Variants in NXPH1 observed in about 807,000 individuals in gnomAD.
The protein encoded by NXPH1 is neurexophilin-1.
Under a neutral mutation model 23.7 loss-of-function variants are expected in NXPH1, and 5 were observed. That is an observed-to-expected ratio of 0.21 (90% CI 0.11 to 0.44). The LOEUF is 0.44. Ranked by LOEUF, NXPH1 falls within the 20% of genes least tolerant of loss-of-function variation. NXPH1 has a pLI of 0.99. For synonymous variants in NXPH1, 144 were observed against 122.2 expected (o/e 1.18, Z -1.18); for missense variants, 324 against 321.6 (o/e 1.01, Z -0.06).
chr7:8,597,032 G>C (rs1422552496), intron 2 of NXPH1, among the ~76,000 whole-genome samples: 1 of 152,044 alleles, frequency 6.6e-6, no homozygotes, highest in Non-Finnish European at 1.5e-5. Context: ...AAGCACTGAG[G>C]ATAAAGAGAG....
At chr7:8,470,656 A>G (rs1483235272) in intron 2 of NXPH1, among the ~76,000 whole-genome samples, 2 of 152,138 alleles carry the variant, frequency 1.3e-5, no homozygotes, top group Non-Finnish European at 2.9e-5. Context: ...TGAAATAAAC[A>G]CCCACCTTTA....
At chr7:8,454,289 C>G (rs1022082039) in intron 2 of NXPH1, among the ~76,000 whole-genome samples, 2 of 152,132 alleles carry the variant, frequency 1.3e-5, no homozygotes. Flanking sequence ...AGTTAGTGGA[C>G]TGCCTTTGGA....
At chr7:8,451,738 A>T (rs1816509898) in intron 2 of NXPH1, among the ~76,000 whole-genome samples, 1 of 152,238 alleles carries the variant, frequency 6.6e-6, no homozygotes, top group Non-Finnish European at 1.5e-5. Flanking sequence ...ATTCAGAAGT[A>T]TCCTGGTTTG....
chr7:8,615,261 C>A (rs1410173641), intron 2 of NXPH1, among the ~76,000 whole-genome samples: 1 of 152,038 alleles, frequency 6.6e-6, no homozygotes, highest in Non-Finnish European at 1.5e-5. Context: ...ACTGTCCCTG[C>A]AGGAGGCAGT....
chr7:8,608,981 T>A (rs543569563), intron 2 of NXPH1, among the ~76,000 whole-genome samples: 1 of 152,232 alleles, frequency 6.6e-6, no homozygotes, highest in South Asian at 2.1e-4. Flanking sequence ...GAAACTTGAC[T>A]TTAAGGGAAA....
chr7:8,661,020 A>T (rs4725114), intron 2 of NXPH1, among the ~76,000 whole-genome samples: 106,646 of 151,150 alleles, frequency 0.71, 38,205 homozygotes, highest in East Asian at 1. Context: ...TTTCCTCAGG[A>T]AATCTCTTTT....
At chr7:8,706,033 T>C (rs1261143290) in intron 2 of NXPH1, among the ~76,000 whole-genome samples, 1 of 152,156 alleles carries the variant, frequency 6.6e-6, no homozygotes, top group African/African-American at 2.4e-5. Flanking sequence ...GTAGACATAA[T>C]AATATTTGAT....
At chr7:8,542,167 A>G (rs1818128230) in intron 2 of NXPH1, among the ~76,000 whole-genome samples, 1 of 151,574 alleles carries the variant, frequency 6.6e-6, no homozygotes, top group African/African-American at 2.4e-5. Context: ...TAACATTAAC[A>G]AAACAAAGCT....
chr7:8,750,731 C>T (rs140319293), intron 2 of NXPH1, among the ~76,000 whole-genome samples: 105 of 152,234 alleles, frequency 6.9e-4, no homozygotes, highest in Middle Eastern at 3.4e-3. Context: ...CCACATCTCC[C>T]TTCTTCCATT....
chr7:8,576,780 A>G (rs1045767326), intron 2 of NXPH1, among the ~76,000 whole-genome samples: 1 of 152,126 alleles, frequency 6.6e-6, no homozygotes, highest in Non-Finnish European at 1.5e-5. Flanking sequence ...TGTACTGATG[A>G]TGGTTGTTCT....
intron 2 of NXPH1, among the ~76,000 whole-genome samples, chr7:8,444,802 C>G (rs757008187): frequency 1.3e-5 from 2 of 152,188 alleles, no homozygotes; most frequent in Admixed American, 6.5e-5. Context: ...TCCTTCATTG[C>G]AGTAAAATGA....
rs1262843728 is a variant in NXPH1 at position 8,440,478 on chromosome 7, A to AATTGTTG, written c.54+4713_54+4719dup. ...CGAAGTTGATTTCTATTTGGCTTTG[A>AATTGTTG]ATTGTTGACGGCTATTTCTTCCTTA... On this transcript the variant is annotated intron_variant, in intron 2 of 2. Coordinates refer to ENST00000405863, the MANE Select transcript of NXPH1 (RefSeq NM_152745.3). Among the ~76,000 whole-genome samples the AATTGTTG allele has an allele frequency of 4.6e-5, 7 of 152,248 alleles. No individual in the cohort carries two copies. The East Asian group carries it at 1.4e-3, about 29-fold the overall frequency.
At chr7:8,542,752 C>T (rs760780484) in intron 2 of NXPH1, among the ~76,000 whole-genome samples, 1 of 151,484 alleles carries the variant, frequency 6.6e-6, no homozygotes. Context: ...CCTATCAACT[C>T]TCACCTCAGG....
At chr7:8,650,996 A>T (rs1224290523) in intron 2 of NXPH1, among the ~76,000 whole-genome samples, 2 of 151,544 alleles carry the variant, frequency 1.3e-5, no homozygotes, top group Non-Finnish European at 2.9e-5. Context: ...TTATACTTTA[A>T]GTTTTAGGGT....
At chr7:8,564,718 A>T (rs968816570) in intron 2 of NXPH1, among the ~76,000 whole-genome samples, 2 of 151,962 alleles carry the variant, frequency 1.3e-5, no homozygotes, top group East Asian at 3.9e-4. Context: ...CCAGAACTCA[A>T]TCCAGGTGAA....
Position 8,567,923 on chromosome 7 carries a change from C to T in NXPH1, c.54+132156C>T, listed in dbSNP as rs191181611. Reference sequence around the variant, plus strand: ...GTCTGAGCTAGGAGTGGCCTTACATCGTCTACTCCAAATCAAGTCCAACCC... The same window carrying T: ...GTCTGAGCTAGGAGTGGCCTTACATTGTCTACTCCAAATCAAGTCCAACCC... On this transcript the variant is annotated intron_variant, in intron 2 of 2. Coordinates refer to ENST00000405863, the MANE Select transcript of NXPH1 (RefSeq NM_152745.3). Among the ~76,000 whole-genome samples, 48 of 151,964 alleles carry T rather than the reference C, an allele frequency of 3.2e-4. 1 individual carries two copies. Among genetic ancestry groups the T allele is most frequent in the African/African-American group, 1.1e-3 (44 of 41,500 alleles).
At chr7:8,568,288 C>T (rs1246475868) in intron 2 of NXPH1, among the ~76,000 whole-genome samples, 2 of 151,790 alleles carry the variant, frequency 1.3e-5, no homozygotes, top group African/African-American at 2.4e-5. Flanking sequence ...CCAATTTCCT[C>T]GAATAAATAG....
intron 2 of NXPH1, among the ~76,000 whole-genome samples, chr7:8,516,330 C>G (rs1584205222): frequency 6.6e-6 from 1 of 152,060 alleles, no homozygotes. Context: ...GCTGGGTGCT[C>G]TCGTACCTTA....
At chr7:8,689,126 G>C (rs1263532172) in intron 2 of NXPH1, among the ~76,000 whole-genome samples, 1 of 152,136 alleles carries the variant, frequency 6.6e-6, no homozygotes, top group Non-Finnish European at 1.5e-5. Flanking sequence ...TTGATAGAAT[G>C]AGAGTATATA....
Sources: allele counts gnomAD v4.1 joint callset (sites outside exome capture counted in the v4.1 genomes callset), GRCh38; gene constraint gnomAD v4.1.1; transcripts MANE v1.5; gene names NCBI Gene and HGNC (gene_info 2026-07-23, HGNC 2026-07-21).